The following SDK2 variants were observed in gnomAD, a reference collection of about 807,000 sequenced individuals.
SDK2 encodes the protein sidekick cell adhesion molecule 2.
SDK2 carries 105 observed loss-of-function variants against 253.9 expected under a neutral mutation model. The ratio of observed to expected loss-of-function variants is 0.41; its 90% confidence interval spans 0.35 to 0.49. The LOEUF is 0.49. Ranked by LOEUF, SDK2 falls within the 20% of genes least tolerant of loss-of-function variation. The pLI is 0.06. For synonymous variants in SDK2, 1,249 were observed against 1,234.9 expected, an observed-to-expected ratio of 1.01 and a Z score of -0.24; for missense variants, 2,608 against 3,003.0, an observed-to-expected ratio of 0.87 and a Z score of 3.07.
At chr17:73,599,963 G>T (rs975498532) in intron 1 of SDK2, among the ~76,000 whole-genome samples, 1 of 152,246 alleles carries the variant, frequency 6.6e-6, no homozygotes, top group Non-Finnish European at 1.5e-5. Flanking sequence ...TGTGACTGCT[G>T]TTGTGATTAA....
intron 2 of SDK2, among the ~76,000 whole-genome samples, chr17:73,506,060 A>G (rs2063933584): frequency 6.6e-6 from 1 of 152,222 alleles, no homozygotes; most frequent in Non-Finnish European, 1.5e-5. Flanking sequence ...TCCCAGCCGG[A>G]AGAAGTCAGG....
rs544375695 is a variant in SDK2 at position 73,456,365 on chromosome 17, G to A, written c.332-312C>T. ...TGCTCAAATGGGCTCCGAGAGGTTA[G>A]TTAACTTGTCTAAGGTCACCTAACT... On this transcript the variant is annotated intron_variant, in intron 3 of 44. Transcript: ENST00000392650. 6.6e-5 allele frequency among the ~76,000 whole-genome samples: 10 copies of A among 152,312 alleles called. No homozygotes were observed. In the East Asian group the frequency reaches 1.5e-3, roughly 24 times the overall value.
chr17:73,387,686 G>A (rs2062884149), intron 30 of SDK2, 150 bp downstream of exon 30: 2 of 648,084 alleles, frequency 3.1e-6, no homozygotes, highest in Non-Finnish European at 5.2e-6. Flanking sequence ...GGTGAGAGTG[G>A]ACGCGGGGGC....
chr17:73,394,333 GAAA>G lies in SDK2; in HGVS notation c.3593-12_3593-10del. 6.4e-7 allele frequency: 1 copy of G among 1,552,654 alleles called. No individual in the cohort carries two copies. The highest frequency in any genetic ancestry group is 1.4e-5 in the African/African-American group (1 of 73,936). Reference sequence around the variant, plus strand: ...GGGGCCGGAAGAGGGAACTGTGGGGGAAAGGGAGTGGAGAGAAGGCACTCAGGA... The same window carrying G: ...GGGGCCGGAAGAGGGAACTGTGGGGGGGGAGTGGAGAGAAGGCACTCAGGA... On this transcript the variant is annotated splice_polypyrimidine_tract_variant and intron_variant, in intron 25 of 44. Transcript: ENST00000392650.
chr17:73,596,273 G>C (rs1001637098), intron 1 of SDK2, among the ~76,000 whole-genome samples: 38 of 152,084 alleles, frequency 2.5e-4, no homozygotes, highest in African/African-American at 8.5e-4. Flanking sequence ...AGGCAGCCTG[G>C]CATATGGGGC....
chr17:73,613,917 C>G (rs1190893271), intron 1 of SDK2, among the ~76,000 whole-genome samples: 1 of 152,228 alleles, frequency 6.6e-6, no homozygotes. Context: ...AGTCAAAGGA[C>G]CAGTGCTCCT....
chr17:73,499,426 G>C (rs1755675042), intron 2 of SDK2, among the ~76,000 whole-genome samples: 1 of 152,284 alleles, frequency 6.6e-6, no homozygotes, highest in Admixed American at 6.5e-5. Context: ...GGGCCGGCCA[G>C]ATGCCCACCT....
At chr17:73,396,929 G>C (rs2062975768) in intron 24 of SDK2, among the ~76,000 whole-genome samples, 1 of 152,232 alleles carries the variant, frequency 6.6e-6, no homozygotes, top group Admixed American at 6.5e-5. Context: ...TCTGGGAAGG[G>C]AACTGCAATC....
At chr17:73,567,657 GAGCCCAACCCTCA>G (rs1358409303) in intron 1 of SDK2, among the ~76,000 whole-genome samples, 1 of 152,252 alleles carries the variant, frequency 6.6e-6, no homozygotes, top group African/African-American at 2.4e-5. Flanking sequence ...CAGGCCTTGG[GAGCCCAACCCTCA>G]CACCAGTGTG....
At chr17:73,392,507 G>A (rs1040727483) in intron 27 of SDK2, among the ~76,000 whole-genome samples, 3 of 152,176 alleles carry the variant, frequency 2.0e-5, no homozygotes, top group Non-Finnish European at 1.5e-5. Flanking sequence ...GACCTCAAGT[G>A]GTCTGCCTGC....
chr17:73,425,367 T>C (rs1006884523), intron 12 of SDK2, among the ~76,000 whole-genome samples: 31 of 152,240 alleles, frequency 2.0e-4, no homozygotes, highest in Non-Finnish European at 4.3e-4. Flanking sequence ...AACATTTGAA[T>C]GTGTGCATAT....
chr17:73,457,909 A>G (rs941626495), intron 3 of SDK2, among the ~76,000 whole-genome samples: 3 of 152,148 alleles, frequency 2.0e-5, no homozygotes, highest in African/African-American at 7.2e-5. Flanking sequence ...CACTTTAGCA[A>G]CCTTGAGGAC....
In SDK2 at chr17:73,358,176, G is replaced by A; in HGVS notation, c.5496C>T (p.Ile1832=). The A allele has an allele frequency of 6.2e-7, 1 of 1,609,052 alleles. No homozygotes were observed. The highest frequency in any genetic ancestry group is 8.5e-7 in the Non-Finnish European group (1 of 1,178,544). Residue 1832 remains isoleucine (I), a synonymous_variant, in exon 40 of 45, where the codon ATC becomes ATT. Transcript: ENST00000392650. The stretch of plus-strand genomic sequence containing the variant: ...CGATGGCAGAGCTGTACCGCACGAT[G>A]ATGGGCACGCCAGGCGGTCCTGGGG... ...EGAPGPPGVP[I]IVRYSSAIAI...
chr17:73,568,376 C>CT (rs1171155585), intron 1 of SDK2, among the ~76,000 whole-genome samples: 2 of 152,120 alleles, frequency 1.3e-5, no homozygotes, highest in Non-Finnish European at 2.9e-5. Context: ...CCTATAGAAC[C>CT]GTGAGCCAAA....
At chr17:73,635,695 A>ATGTAGG (rs1567886059) in intron 1 of SDK2, among the ~76,000 whole-genome samples, 2 of 152,152 alleles carry the variant, frequency 1.3e-5, no homozygotes, top group African/African-American at 4.8e-5. Flanking sequence ...ACATGGCATC[A>ATGTAGG]AACTTTAATT....
At chr17:73,566,932 A>G (rs2045320861) in intron 1 of SDK2, among the ~76,000 whole-genome samples, 1 of 152,050 alleles carries the variant, frequency 6.6e-6, no homozygotes, top group Non-Finnish European at 1.5e-5. Flanking sequence ...GCCATGAGGT[A>G]GAGAACAAAA....
chr17:73,602,026 G>A (rs561581533), intron 1 of SDK2, among the ~76,000 whole-genome samples: 82 of 152,358 alleles, frequency 5.4e-4, no homozygotes, highest in Non-Finnish European at 1.0e-3. Flanking sequence ...TTACAGGCGT[G>A]AGCCGCCGCG....
At chr17:73,345,195 T>C (rs1319383867) in intron 44 of SDK2, among the ~76,000 whole-genome samples, 1 of 152,216 alleles carries the variant, frequency 6.6e-6, no homozygotes, top group African/African-American at 2.4e-5. Context: ...GGTAGGTGCC[T>C]GTAATCCCAG....
intron 5 of SDK2, among the ~76,000 whole-genome samples, chr17:73,445,462 G>T (rs1477747338): frequency 6.6e-6 from 1 of 152,166 alleles, no homozygotes; most frequent in Non-Finnish European, 1.5e-5. Context: ...GGTCACCAGG[G>T]TTATCCTGAG....
Sources: allele counts gnomAD v4.1 joint callset (sites outside exome capture counted in the v4.1 genomes callset), GRCh38; gene constraint gnomAD v4.1.1; transcripts MANE v1.5; gene names NCBI Gene and HGNC (gene_info 2026-07-23, HGNC 2026-07-21).